LYRM4: variants seen among roughly 807,000 people sequenced by gnomAD.
LYRM4 encodes LYR motif-containing protein 4.
In LYRM4, 9 loss-of-function variants were observed where a neutral mutation model predicts 11.7. The ratio of observed to expected loss-of-function variants is 0.77; its 90% CI spans 0.46 to 1.34. The LOEUF (loss-of-function observed/expected upper bound fraction) is 1.34, where lower values mean the gene tolerates loss of function less well. Among genes scored for constraint, LYRM4 ranks in the 40% most tolerant of loss-of-function variants. The pLI, the probability that LYRM4 is intolerant of heterozygous loss-of-function variation, is 0.00. For synonymous variants in LYRM4, 42 were observed against 40.4 expected, an observed-to-expected ratio of 1.04 and a Z score of -0.15; for missense variants, 133 against 112.5, an observed-to-expected ratio of 1.18 and a Z score of -0.82.
chr6:5,180,565 T>A (rs1581448574), intron 2 of LYRM4, among the ~76,000 whole-genome samples: 1 of 152,300 alleles, frequency 6.6e-6, no homozygotes, highest in Non-Finnish European at 1.5e-5. Context: ...TGACTCAGTT[T>A]CCTGTCTTCC....
intron 2 of LYRM4, among the ~76,000 whole-genome samples, chr6:5,125,573 CAAG>C (rs1763663879): frequency 6.6e-6 from 1 of 152,214 alleles, no homozygotes; most frequent in Non-Finnish European, 1.5e-5. Flanking sequence ...AGAAGAGGAA[CAAG>C]AATCCCAGAG....
At chr6:5,214,544 T>G (rs1228901962) in intron 2 of LYRM4, among the ~76,000 whole-genome samples, 1 of 151,994 alleles carries the variant, frequency 6.6e-6, no homozygotes, top group African/African-American at 2.4e-5. Flanking sequence ...GGTGGTGGTG[T>G]GTGGAGAACA....
the LYRM4 span, among the ~76,000 whole-genome samples, chr6:5,045,188 C>T: frequency 7.6e-3 from 1,159 of 152,286 alleles, 18 homozygotes; most frequent in African/African-American, 0.026. Context: ...GCATTATTCA[C>T]AACAGCCAAT....
At chr6:5,065,414 C>A in the LYRM4 span, among the ~76,000 whole-genome samples, 6 of 152,060 alleles carry the variant, frequency 3.9e-5, no homozygotes, top group Non-Finnish European at 7.4e-5. Context: ...TTTCAACAAA[C>A]TGAAATGCAA....
intron 2 of LYRM4, among the ~76,000 whole-genome samples, chr6:5,114,791 C>T (rs771317598): frequency 6.6e-6 from 1 of 151,426 alleles, no homozygotes; most frequent in East Asian, 1.9e-4. Context: ...TTTAAGTTTA[C>T]GAATTTGTGT....
chr6:5,050,020 C>T, the LYRM4 span, among the ~76,000 whole-genome samples: 1 of 152,248 alleles, frequency 6.6e-6, no homozygotes, highest in Non-Finnish European at 1.5e-5. Context: ...CAGCCATAGA[C>T]ATCCAAATCC....
intron 2 of LYRM4, among the ~76,000 whole-genome samples, chr6:5,200,709 T>C (rs568808674): frequency 2.0e-5 from 3 of 152,320 alleles, no homozygotes; most frequent in South Asian, 4.1e-4. Context: ...CTCTAGTTCA[T>C]TGTAAGCCAC....
In LYRM4 at chr6:5,138,725, C is replaced by T. The variant is rs775535170; in HGVS notation, c.208-29234G>A. 5.2e-6 allele frequency: 8 copies of T among 1,533,030 alleles called. No homozygotes were observed. In the South Asian group the frequency reaches 9.6e-5, roughly 18 times the overall value. 95.0% of individuals were successfully genotyped at this position (1,533,030 alleles called of 1,614,324 possible). On this transcript the variant is annotated intron_variant, in intron 2 of 2. Coordinates refer to ENST00000330636, the MANE Select transcript of LYRM4 (RefSeq NM_020408.6). ...AAACAAACCTGGTGGCAGACAATGA[C>T]TATGGACTTTATGCCTGGGGGTAAA...
At chr6:5,161,001 C>T (rs939782980) in intron 2 of LYRM4, among the ~76,000 whole-genome samples, 1 of 152,208 alleles carries the variant, frequency 6.6e-6, no homozygotes, top group Non-Finnish European at 1.5e-5. Flanking sequence ...CCTTTTCCCA[C>T]TAGACAAATT....
intron 2 of LYRM4, among the ~76,000 whole-genome samples, chr6:5,114,409 A>C (rs1480532507): frequency 6.6e-6 from 1 of 152,220 alleles, no homozygotes; most frequent in African/African-American, 2.4e-5. Flanking sequence ...CACACAGCTA[A>C]ACCAATCCTT....
intron 2 of LYRM4, among the ~76,000 whole-genome samples, chr6:5,158,948 G>T (rs1758581218): frequency 7.1e-6 from 1 of 140,388 alleles, no homozygotes; most frequent in Admixed American, 7.1e-5. Flanking sequence ...AAATGTGGGT[G>T]AGAAGGCAAC....
chr6:5,220,899 T>C (rs78620371), intron 1 of LYRM4, among the ~76,000 whole-genome samples: 2,998 of 152,304 alleles, frequency 0.02, 88 homozygotes, highest in African/African-American at 0.067. Context: ...GGCCCTATTA[T>C]AGCTCTCTGT....
At chr6:5,068,881 C>T in the LYRM4 span, among the ~76,000 whole-genome samples, 1 of 152,180 alleles carries the variant, frequency 6.6e-6, no homozygotes, top group Non-Finnish European at 1.5e-5. The surrounding 1 kb of genome is among the most constrained non-coding windows in gnomAD (Gnocchi z 4.0). Context: ...TCAGTGATTT[C>T]ACCATTCTTC....
intron 2 of LYRM4, among the ~76,000 whole-genome samples, chr6:5,196,697 A>G (rs1488600404): frequency 4.6e-5 from 7 of 152,210 alleles, no homozygotes; most frequent in Non-Finnish European, 2.9e-5. Context: ...AGCTTGGGAA[A>G]TAGCTTTTTT....
chr6:5,088,909 C>G, the LYRM4 span: 1 of 152,188 alleles, frequency 6.6e-6, no homozygotes, highest in African/African-American at 2.4e-5. Context: ...AACATAGCAC[C>G]CGTTTGAATT....
intron 1 of LYRM4, 138 bp from the exon 2 acceptor site, chr6:5,216,876 T>C: frequency 9.7e-7 from 1 of 1,027,496 alleles, no homozygotes; most frequent in Non-Finnish European, 1.4e-6. Flanking sequence ...TCTTTGCTCG[T>C]GGCGCAGGCT....
chr6:5,143,060 C>A (rs1757496416), intron 2 of LYRM4, among the ~76,000 whole-genome samples: 1 of 152,208 alleles, frequency 6.6e-6, no homozygotes, highest in Non-Finnish European at 1.5e-5. Flanking sequence ...AGTTGGGATG[C>A]CACATGTATT....
At chr6:5,237,345 T>C (rs1403137738) in intron 1 of LYRM4, among the ~76,000 whole-genome samples, 2 of 151,786 alleles carry the variant, frequency 1.3e-5, no homozygotes, top group East Asian at 1.9e-4. Flanking sequence ...GCACTCCCTA[T>C]GAGAATCTAA....
intron 2 of LYRM4, among the ~76,000 whole-genome samples, chr6:5,151,423 G>A (rs1758081764): frequency 1.3e-5 from 2 of 152,050 alleles, no homozygotes; most frequent in African/African-American, 2.4e-5. Context: ...TCTCTGCCTG[G>A]CCCATCTCCC....
Sources: gnomAD v4.1 joint callset for allele counts (sites outside exome capture counted in the v4.1 genomes callset) on GRCh38, gnomAD v4.1.1 for gene constraint, Gnocchi (gnomAD v3.1) non-coding constraint, MANE v1.5 for transcripts, NCBI Gene and HGNC (gene_info 2026-07-23, HGNC 2026-07-21) for gene names.